The following TRMT10A variants were observed in gnomAD, a reference collection of about 807,000 sequenced individuals.
The protein encoded by TRMT10A is tRNA methyltransferase 10A, also known as tRNA methyltransferase 10 homolog A.
A neutral mutation model predicts 40.4 loss-of-function variants in TRMT10A; 37 were observed. The observed-to-expected ratio is 0.92, with a 90% CI of 0.71 to 1.21. TRMT10A has a LOEUF of 1.21. Among genes scored for constraint, TRMT10A ranks in the 50% most tolerant of loss-of-function variants. TRMT10A has a pLI of 0.00. For synonymous variants in TRMT10A, 103 were observed against 134.1 expected (o/e 0.77, Z 1.60); for missense variants, 388 against 404.3 (o/e 0.96, Z 0.35).
At chr4:99,551,872 T>C (rs1578205374) in intron 6 of TRMT10A, among the ~76,000 whole-genome samples, 1 of 151,856 alleles carries the variant, frequency 6.6e-6, no homozygotes, top group Non-Finnish European at 1.5e-5. Context: ...ATGTGTGTGT[T>C]TGTGTAGTAG....
At chr4:99,562,201 A>ATATATGTG (rs374134499) in intron 1 of TRMT10A, among the ~76,000 whole-genome samples, 59 of 136,186 alleles carry the variant, frequency 4.3e-4, no homozygotes, top group African/African-American at 1.0e-3. Flanking sequence ...ATATATATAT[A>ATATATGTG]TGTGTGTGTG....
intron 6 of TRMT10A, 148 bp from the exon 7 acceptor site, chr4:99,551,138 A>G: frequency 1.7e-6 from 1 of 593,264 alleles, no homozygotes; most frequent in Non-Finnish European, 2.8e-6. Context: ...TGTGTGTTTT[A>G]CTGCTCATTT....
At chr4:99,559,048 G>T in intron 2 of TRMT10A, 106 bp downstream of exon 2, 2 of 1,198,374 alleles carry the variant, frequency 1.7e-6, no homozygotes, top group Non-Finnish European at 2.2e-6. Context: ...ATTAGTAATT[G>T]AATTTTAAGT....
At chr4:99,557,482 A>G in intron 3 of TRMT10A, 66 bp from the exon 4 acceptor site, 2 of 1,415,792 alleles carry the variant, frequency 1.4e-6, no homozygotes, top group Non-Finnish European at 2.0e-6. Context: ...TATGATCTTA[A>G]AGGAATGGAA....
chr4:99,553,700 T>C, intron 6 of TRMT10A, 85 bp downstream of exon 6: 4 of 1,312,194 alleles, frequency 3.0e-6, no homozygotes, highest in Non-Finnish European at 4.2e-6. Context: ...AGATGAGCTA[T>C]CATTAGTATT....
In TRMT10A at chr4:99,559,324, C is replaced by T; in HGVS notation, c.15G>A (p.Met5Ile). Residue 5 changes from methionine to isoleucine, a missense_variant, in exon 2 of 8, where the codon ATG becomes ATA. Physicochemically the swap from Met to Ile is conservative, Grantham distance 10 (BLOSUM62 1). Transcript: ENST00000394876. MSSE[M>I]LPAFIETSNV... ...TAGAAGTTTCAATAAATGCTGGCAA[C>T]ATTTCAGATGACATTATTTGGTGCC... The T allele has an allele frequency of 1.9e-6, 3 of 1,610,256 alleles. No individual in the cohort carries two copies. Among genetic ancestry groups the T allele is most frequent in the Non-Finnish European group, 2.5e-6 (3 of 1,177,690 alleles).
chr4:99,549,371 T>C lies in TRMT10A; in HGVS notation c.752-15A>G. The C allele has an allele frequency of 7.4e-6, 12 of 1,611,156 alleles. No individual in the cohort carries two copies. The highest frequency in any genetic ancestry group is 1.0e-5 in the Non-Finnish European group (12 of 1,177,886). On this transcript the variant is annotated splice_polypyrimidine_tract_variant and intron_variant, in intron 7 of 7. Transcript: ENST00000394876. ...AATTTCAAACACTGCAATAAAGACA[T>C]ATTCCGTACATTTCTTAGCCAAGTT...
chr4:99,551,763 C>T (rs1173827179), intron 6 of TRMT10A, among the ~76,000 whole-genome samples: 3 of 151,934 alleles, frequency 2.0e-5, no homozygotes, highest in African/African-American at 2.4e-5. Flanking sequence ...GATGACAGCT[C>T]CATGCATGTC....
chr4:99,560,860 G>A (rs574160562), intron 1 of TRMT10A, among the ~76,000 whole-genome samples: 1 of 151,956 alleles, frequency 6.6e-6, no homozygotes, highest in Admixed American at 6.6e-5. Flanking sequence ...AATATTCCAA[G>A]AGAGTACATT....
chr4:99,559,025 G>T, intron 2 of TRMT10A, 129 bp downstream of exon 2: 4 of 1,012,048 alleles, frequency 4.0e-6, no homozygotes, highest in Non-Finnish European at 5.5e-6. Context: ...TTTTCTTTAC[G>T]CTTTTGTCTA....
intron 2 of TRMT10A, among the ~76,000 whole-genome samples, chr4:99,558,417 A>G (rs960501135): frequency 6.6e-6 from 1 of 152,106 alleles, no homozygotes; most frequent in African/African-American, 2.4e-5. Flanking sequence ...GCTTCCAAAA[A>G]TGATCTAAAG....
rs949709605 is a variant in TRMT10A, at chr4:99,546,841, A to G, written c.*2247T>C. On this transcript the variant is annotated 3_prime_UTR_variant, in exon 8 of 8. Transcript: ENST00000394876. Reference sequence around the variant, plus strand: ...CAAAACAATGTTGAGAGAAAAGTATACATGCAAATGAGCAAAAAGCTTAAT... The same window carrying G: ...CAAAACAATGTTGAGAGAAAAGTATGCATGCAAATGAGCAAAAAGCTTAAT... 6.6e-6 allele frequency: 1 copy of G among 152,170 alleles called. No homozygotes were observed. Among genetic ancestry groups the G allele is most frequent in the African/African-American group, 2.4e-5 (1 of 41,442 alleles). The allele number at this position is 152,170 out of a possible 1,614,324, so 9.4% of individuals were successfully genotyped here.
rs75824237 is a variant in TRMT10A, at chr4:99,563,644, C to T, written c.-24+269G>A. The T allele has an allele frequency of 4.8e-3, 1,415 of 296,944 alleles. 10 individuals are homozygous for T. Among genetic ancestry groups the T allele is most frequent in the Non-Finnish European group, 7.4e-3 (1,099 of 147,834 alleles). The allele number at this position is 296,944 out of a possible 1,614,324, so 18.4% of individuals were successfully genotyped here. On this transcript the variant is annotated intron_variant, in intron 1 of 7. Coordinates refer to ENST00000394876, the MANE Select transcript of TRMT10A (RefSeq NM_001134665.3). ...ACGGGGCGGAGCCTCGCCCACTATC[C>T]CTTCTAGGCTCCCAGCCAGCAAACG...
chr4:99,554,916 G>A (rs1022302614), intron 5 of TRMT10A, among the ~76,000 whole-genome samples: 4 of 152,162 alleles, frequency 2.6e-5, no homozygotes, highest in African/African-American at 7.2e-5. Flanking sequence ...CATAAAAGAT[G>A]TATCACCAGG....
chr4:99,553,391 CTAGTT>C (rs1724037270), intron 6 of TRMT10A, among the ~76,000 whole-genome samples: 1 of 152,024 alleles, frequency 6.6e-6, no homozygotes, highest in Non-Finnish European at 1.5e-5. Context: ...TATTTAAAAA[CTAGTT>C]TAAGTTCCAA....
Position 99,563,908 on chromosome 4 carries a change from C to G in TRMT10A, c.-24+5G>C. On this transcript the variant is annotated splice_donor_5th_base_variant and intron_variant, in intron 1 of 7. Transcript: ENST00000394876. ...GGGAGCGCCAACCAGTGCCAGGACA[C>G]TTACCGAGCTGAAGAGTTGACAGGG... The G allele has an allele frequency of 4.0e-6, 3 of 759,108 alleles. No homozygotes were observed. Among genetic ancestry groups the G allele is most frequent in the East Asian group, 2.7e-5 (1 of 37,358 alleles). 47.0% of individuals were successfully genotyped at this position (759,108 alleles called of 1,614,324 possible).
chr4:99,549,997 A>T (rs1311024173), intron 7 of TRMT10A, among the ~76,000 whole-genome samples: 1 of 152,238 alleles, frequency 6.6e-6, no homozygotes, highest in Non-Finnish European at 1.5e-5. Flanking sequence ...AAGTTTAATA[A>T]GTAGTTGTGT....
At position 99,559,190 on chromosome 4, in the gene TRMT10A, T is replaced by TTTA. The variant is rs1560603359; in HGVS notation, c.146_148dup (p.Ile49dup). On this transcript the variant is annotated inframe_insertion, in exon 2 of 8. Transcript: ENST00000394876. ...CCGTTGCTCTTCCCATTGTTTCTGT[T>TTTA]TTATTAGTTTTTTCATTTGTCGTTT... 6.2e-7 allele frequency: 1 copy of TTTA among 1,613,238 alleles called. No homozygotes were observed. Among genetic ancestry groups the TTTA allele is most frequent in the Admixed American group, 1.7e-5 (1 of 59,998 alleles).
chr4:99,554,641 A>T (rs1724090703), intron 5 of TRMT10A, among the ~76,000 whole-genome samples: 1 of 148,868 alleles, frequency 6.7e-6, no homozygotes, highest in African/African-American at 2.5e-5. Flanking sequence ...GAATTGTTTG[A>T]ATCCCGGAGG....
Sources: allele counts gnomAD v4.1 joint callset (sites outside exome capture counted in the v4.1 genomes callset), GRCh38; gene constraint gnomAD v4.1.1; transcripts MANE v1.5; gene names NCBI Gene and HGNC (gene_info 2026-07-23, HGNC 2026-07-21).